FOXN3: variants seen among roughly 807,000 people sequenced by gnomAD.
FOXN3 encodes forkhead box N3, also known as forkhead box protein N3.
FOXN3 carries 7 observed loss-of-function variants against 38.4 expected under a neutral mutation model. That is an observed-to-expected ratio of 0.18 (90% confidence interval 0.10 to 0.34). FOXN3 has a LOEUF of 0.34. FOXN3 is among the 10% of genes least tolerant of loss of function. FOXN3 has a pLI of 1.00. For synonymous variants in FOXN3, 230 were observed against 242.2 expected (o/e 0.95, Z 0.47); for missense variants, 456 against 613.4 (o/e 0.74, Z 2.71).
intron 3 of FOXN3, among the ~76,000 whole-genome samples, chr14:89,338,514 C>T: frequency 6.6e-6 from 1 of 152,202 alleles, no homozygotes; most frequent in East Asian, 1.9e-4. Context: ...ATGCAGCCGG[C>T]TGGGCGCGGT....
intron 1 of FOXN3, among the ~76,000 whole-genome samples, chr14:89,426,860 T>G (rs1892041333): frequency 1.3e-5 from 2 of 152,104 alleles, no homozygotes; most frequent in African/African-American, 4.8e-5. Context: ...ACCTGGCTTC[T>G]TAGAGAACCT....
At chr14:89,365,205 G>T (rs528973615) in intron 2 of FOXN3, among the ~76,000 whole-genome samples, 9 of 152,214 alleles carry the variant, frequency 5.9e-5, no homozygotes, top group African/African-American at 1.9e-4. Context: ...ATTTTCACAG[G>T]GGGGAGGCTA....
intron 4 of FOXN3, among the ~76,000 whole-genome samples, chr14:89,209,594 T>C (rs576922168): frequency 6.6e-6 from 1 of 152,350 alleles, no homozygotes; most frequent in South Asian, 2.1e-4. Flanking sequence ...AATATGCTTT[T>C]CTTGAATAGA....
At chr14:89,308,089 AC>A (rs1287401711) in intron 3 of FOXN3, among the ~76,000 whole-genome samples, 2 of 152,184 alleles carry the variant, frequency 1.3e-5, no homozygotes, top group East Asian at 3.9e-4. Flanking sequence ...ACATGGTGAA[AC>A]CCTGTCTCTA....
intron 4 of FOXN3, among the ~76,000 whole-genome samples, chr14:89,210,744 T>C (rs1884064419): frequency 6.6e-6 from 1 of 152,204 alleles, no homozygotes; most frequent in African/African-American, 2.4e-5. Flanking sequence ...CACCCAGTAA[T>C]GGAAAGGGTT....
At chr14:89,192,899 C>G (rs2039416649) in intron 4 of FOXN3, among the ~76,000 whole-genome samples, 1 of 151,538 alleles carries the variant, frequency 6.6e-6, no homozygotes, top group South Asian at 2.1e-4. Flanking sequence ...TCCCACTGCC[C>G]CGGGTCCCTT....
At chr14:89,313,345 G>A (rs1887621540) in intron 3 of FOXN3, among the ~76,000 whole-genome samples, 2 of 152,174 alleles carry the variant, frequency 1.3e-5, no homozygotes, top group South Asian at 4.1e-4. Context: ...GATCACTTGA[G>A]GTTAGGAGTT....
chr14:89,239,094 G>A (rs1423658042), intron 4 of FOXN3, among the ~76,000 whole-genome samples: 3 of 152,302 alleles, frequency 2.0e-5, no homozygotes, highest in African/African-American at 7.2e-5. Context: ...ACAGTTAGAT[G>A]TAATTCACTC....
At chr14:89,594,554 G>A (rs888736527) in intron 1 of FOXN3, among the ~76,000 whole-genome samples, 4 of 152,094 alleles carry the variant, frequency 2.6e-5, no homozygotes, top group African/African-American at 4.8e-5. Context: ...ATTTTTCTAC[G>A]GGGCTATTTT....
intron 1 of FOXN3, among the ~76,000 whole-genome samples, chr14:89,605,972 C>T (rs1206623588): frequency 1.3e-5 from 2 of 151,540 alleles, no homozygotes; most frequent in African/African-American, 2.4e-5. Context: ...AAAAACTGGC[C>T]AGGTGTGGTA....
At chr14:89,336,256 A>T (rs11627078) in intron 3 of FOXN3, among the ~76,000 whole-genome samples, 24,826 of 151,122 alleles carry the variant, frequency 0.16, 2,190 homozygotes, top group Middle Eastern at 0.24. Context: ...CCATTCATCC[A>T]TCCACACAGA....
chr14:89,427,276 C>G lies in FOXN3; in HGVS notation c.-14-14786G>C, dbSNP rs369314087. ...AGAAAAAGAAAAAGAAGAAAAAAAG[C>G]ACAAGAGGAGGAAGGAAAAGGGGAC... On this transcript the variant is annotated intron_variant, in intron 1 of 6. Coordinates refer to the FOXN3 transcript ENST00000345097. Among the ~76,000 whole-genome samples, 20 of 141,546 alleles carry G rather than the reference C, an allele frequency of 1.4e-4. No individual in the cohort carries two copies. The East Asian group carries it at 1.8e-3, about 13-fold the overall frequency. 92.9% of individuals were successfully genotyped at this position (141,546 alleles called of 152,430 possible).
intron 4 of FOXN3, among the ~76,000 whole-genome samples, chr14:89,260,510 C>T (rs1366292376): frequency 1.3e-5 from 2 of 152,262 alleles, no homozygotes; most frequent in Non-Finnish European, 2.9e-5. Context: ...AGCCAAAGAA[C>T]TCCTGGCTGG....
chr14:89,414,490 C>A lies in FOXN3; in HGVS notation c.-14-2000G>T, dbSNP rs568192242. Among the ~76,000 whole-genome samples the A allele has an allele frequency of 1.3e-5, 2 of 151,352 alleles. 1 individual carries two copies. Among genetic ancestry groups the A allele is most frequent in the South Asian group, 4.2e-4 (2 of 4,760 alleles). On this transcript the variant is annotated intron_variant, in intron 1 of 5. Coordinates refer to ENST00000557258, the MANE Select transcript of FOXN3 (RefSeq NM_005197.4). ...GTGAATTATAGTACCTTCCCTCTTC[C>A]AAAAGGTAGAACCTGCTAGACGCAA...
rs868125727 is a variant in FOXN3, at chr14:89,506,055, C to T, written c.-14-93565G>A. Among the ~76,000 whole-genome samples, 350 of 148,486 alleles carry T rather than the reference C, an allele frequency of 2.4e-3. 1 individual carries two copies. Among genetic ancestry groups the T allele is most frequent in the African/African-American group, 6.6e-3 (261 of 39,642 alleles). On this transcript the variant is annotated intron_variant, in intron 1 of 6. Transcript: ENST00000345097. ...CAGCCCCCGGCCCGGCCAGCCGCCC[C>T]GTCCAGAAGGGAGGTGGGGGGGTCA...
intron 1 of FOXN3, among the ~76,000 whole-genome samples, chr14:89,506,293 G>A (rs1379769790): frequency 2.4e-4 from 13 of 54,610 alleles, no homozygotes; most frequent in South Asian, 7.1e-4. Flanking sequence ...TCAGCCCCCC[G>A]CCCGGCCAGC....
In FOXN3 at chr14:89,268,744, C is replaced by A. The variant is rs936163821; in HGVS notation, c.745+12206G>T. 2.6e-5 allele frequency among the ~76,000 whole-genome samples: 4 copies of A among 152,270 alleles called. No individual in the cohort carries two copies. In the East Asian group the frequency reaches 7.7e-4, roughly 29 times the overall value. ...ACTGGGCCACGTGCCTATCCCTCCA[C>A]CAGTCACTAAGGCCAGGGAGTTTCT... On this transcript the variant is annotated intron_variant, in intron 4 of 5. Transcript: ENST00000557258.
chr14:89,363,976 ATATATATATAT>A (rs1566968997), intron 2 of FOXN3, among the ~76,000 whole-genome samples: 15 of 82,128 alleles, frequency 1.8e-4, no homozygotes, highest in African/African-American at 4.3e-4. Context: ...ATATATATAT[ATATATATATAT>A]AATATATATA....
chr14:89,586,200 A>G (rs1419482931), intron 1 of FOXN3, among the ~76,000 whole-genome samples: 1 of 152,214 alleles, frequency 6.6e-6, no homozygotes, highest in African/African-American at 2.4e-5. Flanking sequence ...AATGAATGAT[A>G]GAATAAATGA....
Sources: allele counts gnomAD v4.1 joint callset (sites outside exome capture counted in the v4.1 genomes callset), GRCh38; gene constraint gnomAD v4.1.1; transcripts MANE v1.5; gene names NCBI Gene and HGNC (gene_info 2026-07-23, HGNC 2026-07-21).